The following YTHDC2 variants were observed in gnomAD, a reference collection of about 807,000 sequenced individuals.
The protein encoded by YTHDC2 is 3'-5' RNA helicase YTHDC2.
In YTHDC2, 45 loss-of-function variants were observed where a neutral mutation model predicts 174.9. That is an observed-to-expected ratio of 0.26 (90% CI 0.20 to 0.33). The LOEUF (loss-of-function observed/expected upper bound fraction) is 0.33. YTHDC2 is among the 10% of genes least tolerant of loss of function. The pLI, the probability that YTHDC2 is intolerant of heterozygous loss-of-function variation, is 1.00. For synonymous variants in YTHDC2, 657 were observed against 574.5 expected (o/e 1.14, Z -2.05); for missense variants, 1,650 against 1,723.7 (o/e 0.96, Z 0.76).
intron 16 of YTHDC2, among the ~76,000 whole-genome samples, 197 bp from the exon 17 acceptor site, chr5:113,555,855 T>C (rs896123377): frequency 6.6e-6 from 1 of 152,218 alleles, no homozygotes; most frequent in Non-Finnish European, 1.5e-5. Flanking sequence ...AGTTTAGTTT[T>C]TAAATCCTTT....
chr5:113,548,538 T>G lies in YTHDC2; in HGVS notation c.1496-3T>G, dbSNP rs972272252. 1.3e-6 allele frequency: 2 copies of G among 1,576,630 alleles called. No homozygotes were observed. Among genetic ancestry groups the G allele is most frequent in the Non-Finnish European group, 1.7e-6 (2 of 1,168,480 alleles). On this transcript the variant is annotated splice_region_variant and splice_polypyrimidine_tract_variant and intron_variant, in intron 10 of 29. Transcript: ENST00000161863. ...AGTTTTATTTATCTTTTCCTTTTTT[T>G]AGTTGATTACAGACATAGTGAAACC...
chr5:113,584,560 T>C, intron 26 of YTHDC2, 81 bp downstream of exon 26: 1 of 1,222,798 alleles, frequency 8.2e-7, no homozygotes, highest in Non-Finnish European at 1.1e-6. Context: ...TGTAAAACAA[T>C]TAGAGTACTT....
intron 23 of YTHDC2, among the ~76,000 whole-genome samples, chr5:113,576,035 G>A (rs777888785): frequency 6.6e-6 from 1 of 152,096 alleles, no homozygotes; most frequent in African/African-American, 2.4e-5. Context: ...GGAGCAAGTC[G>A]TGTAGGGGAG....
intron 18 of YTHDC2, among the ~76,000 whole-genome samples, chr5:113,562,719 C>G (rs532033922): frequency 1.3e-5 from 2 of 152,286 alleles, no homozygotes; most frequent in East Asian, 1.9e-4. Flanking sequence ...GTTACTCCTA[C>G]TCAATCTTTA....
chr5:113,538,397 C>G (rs1443828364), intron 7 of YTHDC2, among the ~76,000 whole-genome samples: 1 of 152,194 alleles, frequency 6.6e-6, no homozygotes, highest in East Asian at 1.9e-4. Context: ...TAAGACTTAT[C>G]TTTTCCTCTT....
At chr5:113,564,820 T>C (rs537535745) in intron 20 of YTHDC2, among the ~76,000 whole-genome samples, 1 of 152,304 alleles carries the variant, frequency 6.6e-6, no homozygotes, top group South Asian at 2.1e-4. Flanking sequence ...TACATTTTTT[T>C]GTTGTTGTTT....
intron 7 of YTHDC2, among the ~76,000 whole-genome samples, chr5:113,538,633 T>C (rs901020547): frequency 1.3e-5 from 2 of 152,074 alleles, no homozygotes; most frequent in East Asian, 3.8e-4. Flanking sequence ...GAGGATACTT[T>C]CTTGATGTTG....
At chr5:113,584,209 G>T (rs1778548771) in intron 25 of YTHDC2, 93 bp from the exon 26 acceptor site, 1 of 1,013,894 alleles carries the variant, frequency 9.9e-7, no homozygotes, top group East Asian at 2.5e-5. Context: ...GGATTGAAAT[G>T]GCATCTGCTT....
chr5:113,574,625 C>A (rs1240516733), intron 23 of YTHDC2, among the ~76,000 whole-genome samples: 1 of 152,170 alleles, frequency 6.6e-6, no homozygotes, highest in African/African-American at 2.4e-5. Flanking sequence ...CTCAGACAGA[C>A]CAACCCACTG....
intron 23 of YTHDC2, among the ~76,000 whole-genome samples, chr5:113,569,710 T>C (rs897640269): frequency 1.3e-5 from 2 of 152,240 alleles, no homozygotes; most frequent in Non-Finnish European, 2.9e-5. Flanking sequence ...TATGTGTTTG[T>C]TCTTATACCA....
chr5:113,564,013 A>T lies in YTHDC2; in HGVS notation c.2597A>T (p.Tyr866Phe), dbSNP rs1314555512. 6 of 1,614,118 alleles carry T rather than the reference A, an allele frequency of 3.7e-6. No homozygotes were observed. The highest frequency in any genetic ancestry group is 4.2e-6 in the Non-Finnish European group (5 of 1,180,022). Residue 866 changes from tyrosine to phenylalanine, a missense_variant, in exon 20 of 30, where the codon TAT becomes TTT. Physicochemically the swap from Tyr to Phe is conservative, Grantham distance 22. This residue lies in a region of YTHDC2 where 913 missense variants were observed against 940.4 expected (regional missense o/e 0.97). Coordinates refer to ENST00000161863, the MANE Select transcript of YTHDC2 (RefSeq NM_022828.5). Reference sequence around the variant, plus strand: ...CTTACAATTGCTTGCACACTAGCTTATCGAGATCCTTTTGTACTACCTACT... The same window carrying T: ...CTTACAATTGCTTGCACACTAGCTTTTCGAGATCCTTTTGTACTACCTACT... ...PILTIACTLA[Y>F]RDPFVLPTQA... is the part of the protein sequence containing the mutation.
At chr5:113,538,773 G>A (rs1775255428) in intron 7 of YTHDC2, among the ~76,000 whole-genome samples, 1 of 151,968 alleles carries the variant, frequency 6.6e-6, no homozygotes, top group South Asian at 2.1e-4. Flanking sequence ...TTGCCTCCAG[G>A]GAACAGGAAA....
chr5:113,575,811 G>C (rs574192774), intron 23 of YTHDC2, among the ~76,000 whole-genome samples: 9 of 152,308 alleles, frequency 5.9e-5, no homozygotes, highest in African/African-American at 2.2e-4. Flanking sequence ...GAATAGAAGA[G>C]TGGAGGCAGG....
At chr5:113,514,995 G>A (rs1580457777) in intron 1 of YTHDC2, among the ~76,000 whole-genome samples, 1 of 152,208 alleles carries the variant, frequency 6.6e-6, no homozygotes, top group East Asian at 1.9e-4. Flanking sequence ...GTCGTTTTTG[G>A]TGAATATCAG....
chr5:113,553,210 A>G lies in YTHDC2; in HGVS notation c.1718A>G (p.Glu573Gly), dbSNP rs1232573644. ...ACACTGGAATTTGGAAATCTAGATG[A>G]AAGTTCTCTGGTTCAAACAAATGGA... ...SATLEFGNLD[E>G]SSLVQTNGSD... The change falls in exon 13 of 30, where the codon GAA becomes GGA. Residue 573 changes from glutamate (E) to glycine (G), a missense_variant. Physicochemically the swap from Glu to Gly is moderately conservative, Grantham distance 98. Transcript: ENST00000161863. 1.3e-6 allele frequency: 2 copies of G among 1,536,770 alleles called. No homozygotes were observed. The highest frequency in any genetic ancestry group is 2.5e-5 in the South Asian group (2 of 81,596).
At chr5:113,523,079 A>G (rs1773988826) in intron 2 of YTHDC2, among the ~76,000 whole-genome samples, 1 of 151,988 alleles carries the variant, frequency 6.6e-6, no homozygotes, top group Non-Finnish European at 1.5e-5. Flanking sequence ...GGTATATTTT[A>G]CTCCATTTTG....
intron 2 of YTHDC2, among the ~76,000 whole-genome samples, chr5:113,521,600 G>A (rs1561621771): frequency 2.0e-5 from 3 of 151,654 alleles, no homozygotes; most frequent in Non-Finnish European, 2.9e-5. Context: ...GCATGGTGGC[G>A]GGCGGCTGTA....
chr5:113,584,925 C>T (rs1161323306), intron 26 of YTHDC2, among the ~76,000 whole-genome samples: 3 of 151,668 alleles, frequency 2.0e-5, no homozygotes, highest in Admixed American at 1.3e-4. Flanking sequence ...CAGGTGCATG[C>T]CACCATGCCC....
In YTHDC2 at chr5:113,567,662, A is replaced by G; in HGVS notation, c.3057A>G (p.Pro1019=). The part of the protein sequence containing the change: ...LSQPQYKKIP[P]ANGQAAAIKA... ...ATTTATTTTCTTAATAGATTCCTCC[A>G]GCCAATGGTCAAGCTGCAGCAATTA... Residue 1019 remains proline, a synonymous_variant, in exon 23 of 30, where the codon CCA becomes CCG. Transcript: ENST00000161863. 1 of 1,596,330 alleles carries G rather than the reference A, an allele frequency of 6.3e-7. No individual in the cohort carries two copies. The highest frequency in any genetic ancestry group is 8.5e-7 in the Non-Finnish European group (1 of 1,174,240).
Sources: allele counts gnomAD v4.1 joint callset (sites outside exome capture counted in the v4.1 genomes callset), GRCh38; gene constraint gnomAD v4.1.1; regional missense constraint gnomAD v4.1.1; transcripts MANE v1.5; gene names NCBI Gene and HGNC (gene_info 2026-07-23, HGNC 2026-07-21).